Variants in MEIS2 observed in about 807,000 individuals in gnomAD.
MEIS2 encodes the protein Meis homeobox 2.
MEIS2 carries 9 observed loss-of-function variants against 58.6 expected under a neutral mutation model. The observed-to-expected ratio is 0.15, with a 90% CI of 0.09 to 0.27. The LOEUF (loss-of-function observed/expected upper bound fraction) is 0.27. Ranked by LOEUF, MEIS2 falls within the 10% of genes least tolerant of loss-of-function variation. The probability of loss-of-function intolerance (pLI) is 1.00; values close to 1 mark genes in which losing one functional copy is unlikely to be tolerated. For synonymous variants in MEIS2, 221 were observed against 228.4 expected (o/e 0.97, Z 0.29); for missense variants, 427 against 635.0 (o/e 0.67, Z 3.52).
intron 8 of MEIS2, among the ~76,000 whole-genome samples, chr15:36,982,168 GGTTCT>G (rs1490749459): frequency 2.6e-5 from 4 of 151,762 alleles, no homozygotes; most frequent in African/African-American, 9.7e-5. Flanking sequence ...ATATCCTATT[GGTTCT>G]GTTTCTCTGG....
Position 37,046,394 on chromosome 15 carries a change from T to C in MEIS2, c.755-9435A>G, listed in dbSNP as rs1174031491. Among the ~76,000 whole-genome samples the C allele has an allele frequency of 2.0e-5, 3 of 152,082 alleles. No homozygotes were observed. In the East Asian group the frequency reaches 5.8e-4, roughly 29 times the overall value. On this transcript the variant is annotated intron_variant, in intron 7 of 11. Coordinates refer to ENST00000561208, the MANE Select transcript of MEIS2 (RefSeq NM_170675.5). ...AAACCCAGCCAAGGCTGTGCAAATG[T>C]GCGTCCAGAGACAAATAACATGCAC...
intron 7 of MEIS2, among the ~76,000 whole-genome samples, chr15:37,083,137 TAA>T (rs534841384): frequency 1.6e-4 from 24 of 152,212 alleles, no homozygotes; most frequent in Non-Finnish European, 2.9e-4. Flanking sequence ...AAATTTATTC[TAA>T]ATTGCACTAG....
intron 9 of MEIS2, among the ~76,000 whole-genome samples, chr15:36,899,332 A>C (rs2141232729): frequency 6.6e-6 from 1 of 152,360 alleles, no homozygotes; most frequent in South Asian, 2.1e-4. Context: ...GCTGACTGTA[A>C]GAAAACCCTG....
intron 9 of MEIS2, among the ~76,000 whole-genome samples, chr15:36,918,613 GA>G (rs2057374370): frequency 6.6e-6 from 1 of 152,190 alleles, no homozygotes; most frequent in Non-Finnish European, 1.5e-5. Flanking sequence ...GCAATAAGAT[GA>G]AAGAGTCTCA....
intron 9 of MEIS2, among the ~76,000 whole-genome samples, chr15:36,906,310 G>A (rs1346717056): frequency 1.3e-5 from 2 of 152,080 alleles, no homozygotes; most frequent in African/African-American, 4.8e-5. Flanking sequence ...GAATCTAGAA[G>A]CTGAGAAGAT....
intron 8 of MEIS2, among the ~76,000 whole-genome samples, chr15:36,990,628 T>C (rs887269426): frequency 3.9e-5 from 3 of 77,236 alleles, no homozygotes; most frequent in Non-Finnish European, 6.3e-5. Context: ...ATTGGTATAG[T>C]TTAGTGGGCT....
intron 7 of MEIS2, 67 bp downstream of exon 7, chr15:37,083,704 T>TA: frequency 7.6e-7 from 1 of 1,310,854 alleles, no homozygotes; most frequent in Non-Finnish European, 1.1e-6. Flanking sequence ...GATGTACTGA[T>TA]ATCATAAAAT....
intron 7 of MEIS2, among the ~76,000 whole-genome samples, chr15:37,070,360 G>A (rs1423724262): frequency 6.6e-6 from 1 of 152,136 alleles, no homozygotes; most frequent in Admixed American, 6.6e-5. Context: ...TCTATCCAAA[G>A]GTACTTCAAT....
chr15:36,952,760 A>C (rs1330403093), intron 8 of MEIS2, among the ~76,000 whole-genome samples: 1 of 151,974 alleles, frequency 6.6e-6, no homozygotes, highest in East Asian at 1.9e-4. Context: ...TTCAAGTTTG[A>C]TTGTAAATTT....
At chr15:37,057,196 T>C (rs1474143631) in intron 7 of MEIS2, among the ~76,000 whole-genome samples, 1 of 152,234 alleles carries the variant, frequency 6.6e-6, no homozygotes, top group African/African-American at 2.4e-5. Context: ...TAATTAATTC[T>C]TTTTCCAATA....
chr15:36,933,935 C>T (rs1209881535), intron 9 of MEIS2, among the ~76,000 whole-genome samples: 3 of 152,272 alleles, frequency 2.0e-5, no homozygotes, highest in African/African-American at 7.2e-5. Context: ...CCTGAAGCCA[C>T]CCCTATCTTT....
intron 9 of MEIS2, among the ~76,000 whole-genome samples, chr15:36,931,833 A>C (rs181175430): frequency 2.6e-5 from 4 of 152,346 alleles, no homozygotes; most frequent in Non-Finnish European, 5.9e-5. Flanking sequence ...CTAATACTAC[A>C]TTAGTGTCGC....
chr15:37,047,234 T>C (rs984891467), intron 7 of MEIS2, among the ~76,000 whole-genome samples: 2 of 152,178 alleles, frequency 1.3e-5, no homozygotes, highest in African/African-American at 4.8e-5. Context: ...GGGACAAATG[T>C]CCACTCAAGT....
intron 9 of MEIS2, among the ~76,000 whole-genome samples, chr15:36,911,553 A>C (rs559385480): frequency 1.3e-5 from 2 of 152,322 alleles, no homozygotes; most frequent in Admixed American, 1.3e-4. Context: ...AATGTACATC[A>C]AACACTCCCA....
intron 7 of MEIS2, among the ~76,000 whole-genome samples, chr15:37,069,187 A>G (rs1293290217): frequency 2.6e-5 from 4 of 152,180 alleles, no homozygotes; most frequent in Non-Finnish European, 1.5e-5. Context: ...GCTAATAACT[A>G]TGCTAGGATA....
Position 37,098,379 on chromosome 15 carries a change from G to GAGAGA in MEIS2, c.13-181_13-180insTCTCT, listed in dbSNP as rs1894604857. 11 of 307,910 alleles carry GAGAGA rather than the reference G, an allele frequency of 3.6e-5. No individual in the cohort carries two copies. The East Asian group carries it at 8.8e-4, about 25-fold the overall frequency. 19.1% of individuals were successfully genotyped at this position (307,910 alleles called of 1,614,324 possible). A position where few individuals can be genotyped will look rare whatever the true frequency, so the allele number is the denominator to read the frequency against. ...GAGGAGGAGGAAAAGGAGGAGAGGG[G>GAGAGA]GAGAGAGAGAGAGAGAGAGAGAGAG... On this transcript the variant is annotated intron_variant, in intron 1 of 11. Coordinates refer to ENST00000561208, the MANE Select transcript of MEIS2 (RefSeq NM_170675.5).
At chr15:36,995,326 CT>C (rs375475758) in intron 8 of MEIS2, among the ~76,000 whole-genome samples, 373 of 151,724 alleles carry the variant, frequency 2.5e-3, no homozygotes, top group African/African-American at 8.4e-3. Context: ...TATCCATGCA[CT>C]TTTTTTTTCT....
intron 8 of MEIS2, among the ~76,000 whole-genome samples, chr15:36,982,174 G>C (rs1034759612): frequency 3.3e-5 from 5 of 152,050 alleles, no homozygotes; most frequent in African/African-American, 9.7e-5. Context: ...TATTGGTTCT[G>C]TTTCTCTGGA....
intron 8 of MEIS2, among the ~76,000 whole-genome samples, chr15:36,996,442 TTAA>T (rs1421092077): frequency 1.3e-5 from 2 of 152,044 alleles, no homozygotes; most frequent in African/African-American, 4.8e-5. Context: ...ATTGGGAAAA[TTAA>T]TAATGGAAAT....
Sources: allele counts gnomAD v4.1 joint callset (sites outside exome capture counted in the v4.1 genomes callset), GRCh38; gene constraint gnomAD v4.1.1; transcripts MANE v1.5; gene names NCBI Gene and HGNC (gene_info 2026-07-23, HGNC 2026-07-21).